The following KCNQ1 variants were observed in gnomAD, a reference collection of about 807,000 sequenced individuals.
KCNQ1 encodes the protein potassium voltage-gated channel subfamily Q member 1.
KCNQ1 carries 49 observed loss-of-function variants against 72.4 expected under a neutral mutation model. The ratio of observed to expected loss-of-function variants is 0.68; its 90% CI spans 0.54 to 0.86. KCNQ1 has a LOEUF of 0.86. KCNQ1 is among the 40% of genes least tolerant of loss of function. KCNQ1 has a pLI of 0.00. For synonymous variants in KCNQ1, 450 were observed against 412.6 expected, an observed-to-expected ratio of 1.09 and a Z score of -1.10; for missense variants, 790 against 945.1, an observed-to-expected ratio of 0.84 and a Z score of 2.15.
chr11:2,833,267 G>T (rs535335916), intron 15 of KCNQ1, among the ~76,000 whole-genome samples: 1 of 152,302 alleles, frequency 6.6e-6, no homozygotes, highest in Admixed American at 6.5e-5. Flanking sequence ...GGGACGGGAG[G>T]CCTGTGGACT....
At chr11:2,570,871 AG>A (rs1848323778) in intron 3 of KCNQ1, 117 bp downstream of exon 3, 1 of 1,420,486 alleles carries the variant, frequency 7.0e-7, no homozygotes, top group East Asian at 2.3e-5. Context: ...CAAGGCCAGC[AG>A]GGGGTGACTG....
rs1415189772 is a variant in KCNQ1, at chr11:2,824,184, C to T, written c.1795-23583C>T. Among the ~76,000 whole-genome samples the T allele has an allele frequency of 2.0e-5, 3 of 152,156 alleles. No homozygotes were observed. The highest frequency in any genetic ancestry group is 2.1e-4 in the South Asian group (1 of 4,832). Reference sequence around the variant, plus strand: ...GCACATGGATAACTAACTCTTCCAGCAAGAGCCACCCCCTGGCTGAAGTGT... The same window carrying T: ...GCACATGGATAACTAACTCTTCCAGTAAGAGCCACCCCCTGGCTGAAGTGT... On this transcript the variant is annotated intron_variant, in intron 15 of 15. Transcript: ENST00000155840. This position sits in a 1 kb window ranked among gnomAD's most constrained non-coding sequence, Gnocchi z 5.9.
chr11:2,448,617 G>T (rs1033387425), intron 1 of KCNQ1, among the ~76,000 whole-genome samples: 1 of 152,254 alleles, frequency 6.6e-6, no homozygotes, highest in Non-Finnish European at 1.5e-5. Context: ...AGGTGGTGGG[G>T]CTGGGCACAG....
intron 10 of KCNQ1, chr11:2,638,533 C>T (rs893887410): frequency 6.6e-5 from 10 of 152,190 alleles, no homozygotes; most frequent in African/African-American, 1.9e-4. Context: ...AGAGTTTCTG[C>T]TGAGAGATCC....
rs1190428921 is a variant in KCNQ1 at position 2,462,740 on chromosome 11, C to T, written c.386+17256C>T. On this transcript the variant is annotated intron_variant, in intron 1 of 15. Coordinates refer to ENST00000155840, the MANE Select transcript of KCNQ1 (RefSeq NM_000218.3). The surrounding 1 kb of genome is among the most constrained non-coding windows in gnomAD (Gnocchi z 8.2). ...GGAGTGAAGGGGAGGGTGGGCGCTG[C>T]TGGCAAGAACCACAGGCAAAGAGGG... is the stretch of plus-strand genomic sequence containing the variant. Among the ~76,000 whole-genome samples the T allele has an allele frequency of 6.6e-6, 1 of 152,148 alleles. No homozygotes were observed. Among genetic ancestry groups the T allele is most frequent in the Non-Finnish European group, 1.5e-5 (1 of 68,020 alleles).
intron 11 of KCNQ1, chr11:2,666,671 A>C (rs1206853113): frequency 2.5e-6 from 1 of 398,688 alleles, no homozygotes; most frequent in African/African-American, 2.1e-5. Flanking sequence ...TTTTGATGGG[A>C]CCAGCTTGGC....
At chr11:2,554,732 C>T (rs546789978) in intron 2 of KCNQ1, among the ~76,000 whole-genome samples, 3 of 152,344 alleles carry the variant, frequency 2.0e-5, no homozygotes, top group African/African-American at 4.8e-5. Flanking sequence ...TACAATTTCA[C>T]GACAAGTCTG....
intron 11 of KCNQ1, chr11:2,686,342 G>T (rs576028523): frequency 4.5e-5 from 18 of 398,594 alleles, no homozygotes; most frequent in Non-Finnish European, 8.0e-5. Context: ...GTTCCAAGCT[G>T]GGGGAGGAGT....
chr11:2,780,519 G>T (rs971707860), intron 15 of KCNQ1, among the ~76,000 whole-genome samples: 1 of 152,034 alleles, frequency 6.6e-6, no homozygotes, highest in South Asian at 2.1e-4. Flanking sequence ...ACCTCATCCC[G>T]CTGGTCTGGC....
chr11:2,651,379 G>A lies in KCNQ1; in HGVS notation c.1394-10582G>A. 2 of 398,728 alleles carry A rather than the reference G, an allele frequency of 5.0e-6. No individual in the cohort carries two copies. Among genetic ancestry groups the A allele is most frequent in the Non-Finnish European group, 8.8e-6 (2 of 226,148 alleles). The allele number at this position is 398,728 out of a possible 1,614,324, so 24.7% of individuals were successfully genotyped here. A position where few individuals can be genotyped will look rare whatever the true frequency, so the allele number is the denominator to read the frequency against. On this transcript the variant is annotated intron_variant, in intron 10 of 15. Coordinates refer to ENST00000155840, the MANE Select transcript of KCNQ1 (RefSeq NM_000218.3). This position sits in a 1 kb window ranked among gnomAD's most constrained non-coding sequence, Gnocchi z 6.1. ...TATTTATCTTTCACTAGTGAGTGCT[G>A]CCCCGGTGGTGGCTCACTTTCCATT...
At chr11:2,841,814 G>T (rs1848219225) in intron 15 of KCNQ1, among the ~76,000 whole-genome samples, 1 of 152,224 alleles carries the variant, frequency 6.6e-6, no homozygotes. Flanking sequence ...TCCGTCAGTG[G>T]GCAGAGGCTG....
rs1159482680 is a variant in KCNQ1, at chr11:2,486,459, C to T, written c.386+40975C>T. Reference sequence around the variant, plus strand: ...TCATTCTGTGGGGTGCCTTTTTACTCCGTTGATAGTGTCTTTGTACAAAAA... The same window carrying T: ...TCATTCTGTGGGGTGCCTTTTTACTTCGTTGATAGTGTCTTTGTACAAAAA... On this transcript the variant is annotated intron_variant, in intron 1 of 15. Coordinates refer to ENST00000155840, the MANE Select transcript of KCNQ1 (RefSeq NM_000218.3). This position sits in a 1 kb window ranked among gnomAD's most constrained non-coding sequence, Gnocchi z 5.0. 1.3e-5 allele frequency among the ~76,000 whole-genome samples: 2 copies of T among 152,032 alleles called. No homozygotes were observed. Among genetic ancestry groups the T allele is most frequent in the African/African-American group, 4.8e-5 (2 of 41,372 alleles).
At chr11:2,555,781 A>T (rs1360231982) in intron 2 of KCNQ1, among the ~76,000 whole-genome samples, 13 of 152,240 alleles carry the variant, frequency 8.5e-5, no homozygotes, top group Admixed American at 2.0e-4. Context: ...CTCCACTGGC[A>T]CATTGAGTTC....
chr11:2,823,730 G>A (rs568027207), intron 15 of KCNQ1, among the ~76,000 whole-genome samples: 3 of 152,336 alleles, frequency 2.0e-5, no homozygotes, highest in South Asian at 2.1e-4. Context: ...TTAGAGAAGA[G>A]AGCAGAGAAG....
rs147278439 is a variant in KCNQ1, at chr11:2,733,857, C to CTCTCGCTCTTTCTCTCT, written c.1515-34987_1515-34986insTCTCGCTCTTTCTCTCT. ...TCTCTCTCTCTCTCTCTCTCTCTCT[C>CTCTCGCTCTTTCTCTCT]CCCCCCCACTTCAGGGCCTTCGCGC... On this transcript the variant is annotated intron_variant, in intron 11 of 15. Coordinates refer to ENST00000155840, the MANE Select transcript of KCNQ1 (RefSeq NM_000218.3). Among the ~76,000 whole-genome samples the CTCTCGCTCTTTCTCTCT allele has an allele frequency of 2.6e-3, 196 of 76,362 alleles. 15 individuals are homozygous for CTCTCGCTCTTTCTCTCT. Among genetic ancestry groups the CTCTCGCTCTTTCTCTCT allele is most frequent in the African/African-American group, 0.011 (180 of 16,470 alleles). The allele number at this position is 76,362 out of a possible 152,430, so 50.1% of individuals were successfully genotyped here.
rs1293595736 is a variant in KCNQ1, at chr11:2,544,894, A to T, written c.477+16876A>T. Among the ~76,000 whole-genome samples, 4 of 152,212 alleles carry T rather than the reference A, an allele frequency of 2.6e-5. No homozygotes were observed. Among genetic ancestry groups the T allele is most frequent in the African/African-American group, 9.6e-5 (4 of 41,452 alleles). On this transcript the variant is annotated intron_variant, in intron 2 of 15. Transcript: ENST00000155840. The surrounding 1 kb of genome is among the most constrained non-coding windows in gnomAD (Gnocchi z 4.4). ...GTGTCCCCAGCCTTAGAAGACACAC[A>T]TCATTGTTCACCGTCAAGGGTGATG... is the stretch of plus-strand genomic sequence containing the variant.
chr11:2,845,948 C>A (rs1848317009), intron 15 of KCNQ1, among the ~76,000 whole-genome samples: 1 of 152,212 alleles, frequency 6.6e-6, no homozygotes, highest in Non-Finnish European at 1.5e-5. Context: ...ACCACAGCAC[C>A]CAGCCTTTGA....
chr11:2,675,821 C>T, intron 11 of KCNQ1: 2 of 398,722 alleles, frequency 5.0e-6, no homozygotes, highest in Non-Finnish European at 8.8e-6. Context: ...TGCAGGGCTG[C>T]ACACTGCCCT....
At position 2,459,035 on chromosome 11, in the gene KCNQ1, GGCTTTGGGGTTGTTGGGAT is replaced by G. The variant is rs141492449; in HGVS notation, c.386+13557_386+13575del. Among the ~76,000 whole-genome samples the G allele has an allele frequency of 5.5e-3, 832 of 152,342 alleles. 4 individuals carry two copies. Among genetic ancestry groups the G allele is most frequent in the African/African-American group, 0.019 (770 of 41,572 alleles). ...TTCTGATTCCCGTGCCCAGTTGGGA[GGCTTTGGGGTTGTTGGGAT>G]GCTTTTGTGAATGGCTTCCTTCCTT... On this transcript the variant is annotated intron_variant, in intron 1 of 15. Coordinates refer to ENST00000155840, the MANE Select transcript of KCNQ1 (RefSeq NM_000218.3).
Sources: allele counts gnomAD v4.1 joint callset (sites outside exome capture counted in the v4.1 genomes callset), GRCh38; gene constraint gnomAD v4.1.1; non-coding constraint Gnocchi (gnomAD v3.1); transcripts MANE v1.5; gene names NCBI Gene and HGNC (gene_info 2026-07-23, HGNC 2026-07-21).